TAOK3: variants seen among roughly 807,000 people sequenced by gnomAD.
TAOK3 encodes the protein TAO kinase 3.
A neutral mutation model predicts 120.4 loss-of-function variants in TAOK3; 40 were observed. That is an observed-to-expected ratio of 0.33 (90% CI 0.26 to 0.43). The LOEUF (loss-of-function observed/expected upper bound fraction) is 0.43, where lower values mean the gene tolerates loss of function less well. TAOK3 is among the 20% of genes least tolerant of loss of function. The probability of loss-of-function intolerance (pLI) is 1.00; values close to 1 mark genes in which losing one functional copy is unlikely to be tolerated. For synonymous variants in TAOK3, 355 were observed against 387.5 expected (o/e 0.92, Z 0.99); for missense variants, 821 against 1,112.1 (o/e 0.74, Z 3.72).
intron 3 of TAOK3, chr12:118,246,763 G>C (rs1466512665): frequency 1.3e-6 from 2 of 1,538,140 alleles, no homozygotes; most frequent in East Asian, 2.2e-5. Flanking sequence ...ACCTCAGCCC[G>C]GGGCTGCACT....
chr12:118,199,531 T>C (rs937335630), intron 12 of TAOK3: 10 of 473,868 alleles, frequency 2.1e-5, no homozygotes, highest in Admixed American at 3.4e-5. Context: ...ATACACACTA[T>C]CATATTATCG....
At position 118,160,238 on chromosome 12, in the gene TAOK3, A is replaced by G. The variant is rs2035127100; in HGVS notation, c.2260T>C (p.Leu754=). Residue 754 remains leucine, a synonymous_variant, in exon 19 of 21, where the codon TTA becomes CTA. Transcript: ENST00000392533. The surrounding 1 kb of genome is among the most constrained non-coding windows in gnomAD (Gnocchi z 4.2). The part of the protein sequence containing the change: ...VTPKNEHKTI[L]KTLKDEQTRK... Reference sequence around the variant, plus strand: ...GTCTGCTCATCTTTCAGTGTCTTTAAGATTGTTTTGTGCTCATTCTTTGGA... The same window carrying G: ...GTCTGCTCATCTTTCAGTGTCTTTAGGATTGTTTTGTGCTCATTCTTTGGA... 1.2e-6 allele frequency: 2 copies of G among 1,614,160 alleles called. No individual in the cohort carries two copies. Among genetic ancestry groups the G allele is most frequent in the Non-Finnish European group, 1.7e-6 (2 of 1,180,010 alleles).
At chr12:118,156,127 C>T (rs2034804143) in intron 19 of TAOK3, among the ~76,000 whole-genome samples, 1 of 152,178 alleles carries the variant, frequency 6.6e-6, no homozygotes. Flanking sequence ...AAAACCCTAT[C>T]AACCTCCATG....
rs905105702 is a variant in TAOK3, at chr12:118,372,666, AC to A, written c.-213del. On this transcript the variant is annotated 5_prime_UTR_variant, in exon 1 of 21. Transcript: ENST00000392533. This position sits in a 1 kb window ranked among gnomAD's most constrained non-coding sequence, Gnocchi z 4.6. The stretch of plus-strand genomic sequence containing the variant: ...CTCTCACCTCAGACCTGCTGTCACC[AC>A]CCCCGGGCCCGGCGCCGCCGCCGCC... The A allele has an allele frequency of 1.3e-5, 2 of 153,182 alleles. No individual in the cohort carries two copies. Among genetic ancestry groups the A allele is most frequent in the Non-Finnish European group, 2.8e-5 (2 of 70,648 alleles). 9.5% of individuals were successfully genotyped at this position (153,182 alleles called of 1,614,324 possible). A position where few individuals can be genotyped will look rare whatever the true frequency, so the allele number is the denominator to read the frequency against.
At chr12:118,205,910 C>T (rs1186061756) in intron 11 of TAOK3, among the ~76,000 whole-genome samples, 2 of 151,880 alleles carry the variant, frequency 1.3e-5, no homozygotes, top group African/African-American at 4.8e-5. Context: ...AGCTTTCAGA[C>T]CCAATCTCTC....
At chr12:118,325,309 A>G (rs1315995551) in intron 1 of TAOK3, among the ~76,000 whole-genome samples, 4 of 152,184 alleles carry the variant, frequency 2.6e-5, no homozygotes, top group Non-Finnish European at 5.9e-5. Context: ...ACTATTCTCC[A>G]TAGTGGCTGT....
chr12:118,344,461 A>G (rs147164614), intron 1 of TAOK3, among the ~76,000 whole-genome samples: 8 of 152,178 alleles, frequency 5.3e-5, no homozygotes, highest in African/African-American at 1.9e-4. Flanking sequence ...GTTCACATCA[A>G]CAATACCTAT....
intron 1 of TAOK3, among the ~76,000 whole-genome samples, chr12:118,305,818 T>C (rs1410339539): frequency 6.8e-6 from 1 of 147,834 alleles, no homozygotes; most frequent in African/African-American, 2.5e-5. Flanking sequence ...GAAGGAGCAT[T>C]GCTTGAACCT....
chr12:118,254,916 C>A (rs538599285), intron 3 of TAOK3, among the ~76,000 whole-genome samples: 1 of 152,208 alleles, frequency 6.6e-6, no homozygotes, highest in East Asian at 1.9e-4. Context: ...TGCCACCACG[C>A]CTGGCTAATT....
intron 1 of TAOK3, among the ~76,000 whole-genome samples, chr12:118,315,958 C>A (rs1474318989): frequency 6.6e-6 from 1 of 152,150 alleles, no homozygotes; most frequent in Non-Finnish European, 1.5e-5. Context: ...GGACTCAAGA[C>A]AGCTTGGTTG....
At chr12:118,342,615 T>A (rs538143044) in intron 1 of TAOK3, among the ~76,000 whole-genome samples, 3 of 152,148 alleles carry the variant, frequency 2.0e-5, no homozygotes, top group Non-Finnish European at 4.4e-5. Flanking sequence ...TACTCTGTTT[T>A]GGGACATTTG....
chr12:118,269,792 TTTTC>T (rs2041625849), intron 1 of TAOK3, among the ~76,000 whole-genome samples: 1 of 152,180 alleles, frequency 6.6e-6, no homozygotes, highest in Non-Finnish European at 1.5e-5. Context: ...CAGTTTTATC[TTTTC>T]TTTGTTTGCT....
intron 3 of TAOK3, chr12:118,246,645 T>A (rs1380827558): frequency 6.4e-7 from 1 of 1,565,730 alleles, no homozygotes; most frequent in African/African-American, 1.4e-5. Flanking sequence ...GACAGGCCGC[T>A]GCGGCTCTGT....
chr12:118,273,456 C>T lies in TAOK3; in HGVS notation c.-193-6697G>A, dbSNP rs184014325. ...GGCAGAGGTTGCAGTGAGCCGAGAT[C>T]GGCACCACTGCACTCCAGCCTGGGT... On this transcript the variant is annotated intron_variant, in intron 1 of 20. Transcript: ENST00000392533. Among the ~76,000 whole-genome samples, 333 of 151,860 alleles carry T rather than the reference C, an allele frequency of 2.2e-3. 3 individuals carry two copies. In the South Asian group the frequency reaches 0.022, roughly 10 times the overall value.
intron 1 of TAOK3, among the ~76,000 whole-genome samples, chr12:118,351,864 CTTTT>C (rs34956112): frequency 0.033 from 2,344 of 71,800 alleles, 47 homozygotes; most frequent in African/African-American, 0.1. Context: ...ATCTATAGTT[CTTTT>C]TTTTTTTTTT....
chr12:118,260,725 G>T (rs2041191143), intron 2 of TAOK3, among the ~76,000 whole-genome samples: 2 of 152,192 alleles, frequency 1.3e-5, no homozygotes, highest in South Asian at 4.1e-4. Flanking sequence ...CTGTTGCCCA[G>T]GCTAGAGTGC....
chr12:118,156,863 A>G (rs1032434688), intron 19 of TAOK3, among the ~76,000 whole-genome samples: 2 of 151,840 alleles, frequency 1.3e-5, no homozygotes, highest in African/African-American at 4.8e-5. Flanking sequence ...TCAGTCTCCC[A>G]AGTAGCTGGG....
At chr12:118,347,335 T>A (rs2044907250) in intron 1 of TAOK3, among the ~76,000 whole-genome samples, 1 of 152,140 alleles carries the variant, frequency 6.6e-6, no homozygotes, top group Non-Finnish European at 1.5e-5. Context: ...TAATTCTTTA[T>A]CCTACTACCT....
chr12:118,349,644 G>A (rs1429206368), intron 1 of TAOK3, among the ~76,000 whole-genome samples: 2 of 152,130 alleles, frequency 1.3e-5, no homozygotes, highest in Non-Finnish European at 2.9e-5. Flanking sequence ...TCTTTTTGGT[G>A]TAATGAAAAT....
Sources: gnomAD v4.1 joint callset for allele counts (sites outside exome capture counted in the v4.1 genomes callset) on GRCh38, gnomAD v4.1.1 for gene constraint, Gnocchi (gnomAD v3.1) non-coding constraint, MANE v1.5 for transcripts, NCBI Gene and HGNC (gene_info 2026-07-23, HGNC 2026-07-21) for gene names.